DACH1: variants seen among roughly 807,000 people sequenced by gnomAD.
DACH1 encodes dachshund family transcription factor 1, also known as dachshund homolog 1.
In DACH1, 12 loss-of-function variants were observed where a neutral mutation model predicts 54.2. The observed-to-expected ratio is 0.22, with a 90% CI of 0.14 to 0.36. The LOEUF is 0.36. DACH1 is among the 10% of genes least tolerant of loss of function. The pLI is 1.00. For synonymous variants in DACH1, 386 were observed against 366.2 expected (o/e 1.05, Z -0.62); for missense variants, 805 against 929.8 (o/e 0.87, Z 1.75).
chr13:71,474,361 A>G lies in DACH1; in HGVS notation c.2083+780T>C, dbSNP rs1013431585. ...CAGAATAAAAGCAATTGGGAGGATT[A>G]TGGCAGTTAATCATTTTAGGCATCC... On this transcript the variant is annotated intron_variant, in intron 10 of 10. Coordinates refer to ENST00000613252, the MANE Select transcript of DACH1 (RefSeq NM_080759.6). 9.9e-5 allele frequency among the ~76,000 whole-genome samples: 15 copies of G among 152,176 alleles called. 1 individual carries two copies. The highest frequency in any genetic ancestry group is 9.8e-4 in the Admixed American group (15 of 15,276).
At chr13:71,749,007 T>G (rs185909406) in intron 1 of DACH1, among the ~76,000 whole-genome samples, 369 of 150,418 alleles carry the variant, frequency 2.5e-3, no homozygotes, top group Non-Finnish European at 4.0e-3. Context: ...TTCTTTCAGA[T>G]GGAATCTCAC....
chr13:71,585,589 G>A (rs770239383), intron 3 of DACH1, among the ~76,000 whole-genome samples: 5 of 152,156 alleles, frequency 3.3e-5, no homozygotes, highest in African/African-American at 4.8e-5. Flanking sequence ...TAAACGGTGC[G>A]TCTGGATGAC....
rs1884892882 is a variant in DACH1 at position 71,750,909 on chromosome 13, A to C, written c.849-68999T>G. 3.3e-5 allele frequency among the ~76,000 whole-genome samples: 5 copies of C among 152,346 alleles called. No individual in the cohort carries two copies. In the South Asian group the frequency reaches 1.0e-3, roughly 32 times the overall value. ...CAGAAATTCTTGATGACTAACATTA[A>C]TTGAGAAAAGATGGCTAAAAAAAAT... On this transcript the variant is annotated intron_variant, in intron 1 of 10. Transcript: ENST00000613252.
At chr13:71,604,779 ATTATC>A (rs1874756304) in intron 3 of DACH1, among the ~76,000 whole-genome samples, 1 of 151,926 alleles carries the variant, frequency 6.6e-6, no homozygotes, top group Admixed American at 6.6e-5. Context: ...CATCAAAAGC[ATTATC>A]TTATCAGCTC....
chr13:71,778,491 G>A (rs1886164445), intron 1 of DACH1, among the ~76,000 whole-genome samples: 3 of 151,968 alleles, frequency 2.0e-5, no homozygotes, highest in African/African-American at 7.3e-5. Context: ...GTGGATTATA[G>A]CTTTATAATG....
chr13:71,731,888 C>G (rs538201166), intron 1 of DACH1, among the ~76,000 whole-genome samples: 1 of 152,166 alleles, frequency 6.6e-6, no homozygotes, highest in Non-Finnish European at 1.5e-5. Flanking sequence ...CTTCTGAGAT[C>G]ATTTCAATAC....
intron 1 of DACH1, among the ~76,000 whole-genome samples, chr13:71,685,207 C>T (rs934345105): frequency 2.0e-5 from 3 of 152,162 alleles, no homozygotes; most frequent in African/African-American, 7.2e-5. Context: ...ACCCGGTGGG[C>T]TCCTTTCACC....
intron 6 of DACH1, among the ~76,000 whole-genome samples, chr13:71,541,014 A>G (rs1336961302): frequency 6.6e-6 from 1 of 151,974 alleles, no homozygotes; most frequent in African/African-American, 2.4e-5. Context: ...AATTTAGATT[A>G]TCATGTTACA....
rs144753400 is a variant in DACH1, at chr13:71,635,506, A to T, written c.965-4789T>A. The stretch of plus-strand genomic sequence containing the variant: ...GTTGCCTTAAAAACAACAACAAAAA[A>T]ATTCATGTAATAAATTCACAAAATA... On this transcript the variant is annotated intron_variant, in intron 2 of 10. Coordinates refer to ENST00000613252, the MANE Select transcript of DACH1 (RefSeq NM_080759.6). Among the ~76,000 whole-genome samples the T allele has an allele frequency of 2.1e-3, 316 of 152,300 alleles. 2 individuals carry two copies. Among genetic ancestry groups the T allele is most frequent in the African/African-American group, 7.1e-3 (295 of 41,566 alleles).
At chr13:71,757,522 C>CT (rs71126504) in intron 1 of DACH1, among the ~76,000 whole-genome samples, 5,049 of 128,892 alleles carry the variant, frequency 0.039, 138 homozygotes, top group East Asian at 0.079. Flanking sequence ...TTTAAAGGTA[C>CT]TTTTTTTTTT....
chr13:71,791,631 G>A (rs564503537), intron 1 of DACH1, among the ~76,000 whole-genome samples: 1 of 152,204 alleles, frequency 6.6e-6, no homozygotes, highest in Non-Finnish European at 1.5e-5. Flanking sequence ...TGATCCACCC[G>A]CCTTGGCCTC....
intron 2 of DACH1, among the ~76,000 whole-genome samples, chr13:71,665,937 C>T (rs1879805054): frequency 6.6e-6 from 1 of 152,022 alleles, no homozygotes; most frequent in Admixed American, 6.6e-5. Flanking sequence ...CAAACAACAC[C>T]TCCTTCATAA....
chr13:71,488,973 C>G, intron 7 of DACH1, 24 bp downstream of exon 7: 1 of 1,602,852 alleles, frequency 6.2e-7, no homozygotes, highest in Non-Finnish European at 8.5e-7. Flanking sequence ...ATATGTCTTT[C>G]TTCCAGGTTG....
intron 1 of DACH1, among the ~76,000 whole-genome samples, chr13:71,757,435 G>C (rs1387021088): frequency 6.6e-6 from 1 of 151,464 alleles, no homozygotes; most frequent in Non-Finnish European, 1.5e-5. Context: ...CCTCTGTAGG[G>C]ACCATTTTTC....
chr13:71,826,129 T>G (rs1442095607), intron 1 of DACH1, among the ~76,000 whole-genome samples: 1 of 152,094 alleles, frequency 6.6e-6, no homozygotes, highest in Non-Finnish European at 1.5e-5. Context: ...AAAAGTTACA[T>G]TTTACAGCAA....
chr13:71,694,195 AACAC>A (rs374382945), intron 1 of DACH1, among the ~76,000 whole-genome samples: 1 of 150,536 alleles, frequency 6.6e-6, no homozygotes, highest in African/African-American at 2.4e-5. Flanking sequence ...GAAACCTGTA[AACAC>A]ACACACACAC....
At chr13:71,754,504 C>T (rs1228839000) in intron 1 of DACH1, among the ~76,000 whole-genome samples, 3 of 152,104 alleles carry the variant, frequency 2.0e-5, no homozygotes, top group Non-Finnish European at 2.9e-5. Flanking sequence ...AGTAGGTCAG[C>T]ACTAAGAGTT....
intron 1 of DACH1, among the ~76,000 whole-genome samples, chr13:71,767,194 T>C (rs562523809): frequency 1.3e-5 from 2 of 152,074 alleles, no homozygotes; most frequent in African/African-American, 2.4e-5. Context: ...ATCAATATAA[T>C]GATTTAAGTT....
chr13:71,759,609 G>C (rs1050159792), intron 1 of DACH1, among the ~76,000 whole-genome samples: 6 of 152,188 alleles, frequency 3.9e-5, no homozygotes, highest in Non-Finnish European at 7.3e-5. Flanking sequence ...AAGCAGGACA[G>C]CTGGAGGCTC....
Sources: allele counts gnomAD v4.1 joint callset (sites outside exome capture counted in the v4.1 genomes callset), GRCh38; gene constraint gnomAD v4.1.1; transcripts MANE v1.5; gene names NCBI Gene and HGNC (gene_info 2026-07-23, HGNC 2026-07-21).